Variants in STPG4 observed in about 807,000 individuals in gnomAD.
The protein encoded by STPG4 is sperm-tail PG-rich repeat containing 4, also known as protein STPG4.
A neutral mutation model predicts 31.5 loss-of-function variants in STPG4; 41 were observed. That is an observed-to-expected ratio of 1.30 (90% confidence interval 1.01 to 1.69). The LOEUF is 1.69. Ranked by LOEUF, STPG4 falls within the 40% of genes most tolerant of loss-of-function variation. The pLI is 0.00. For synonymous variants in STPG4, 141 were observed against 103.0 expected, an observed-to-expected ratio of 1.37 and a Z score of -2.24; for missense variants, 375 against 293.4, an observed-to-expected ratio of 1.28 and a Z score of -2.03.
chr2:47,140,562 T>C (rs972243686), intron 3 of STPG4, among the ~76,000 whole-genome samples: 2 of 152,234 alleles, frequency 1.3e-5, no homozygotes, highest in East Asian at 3.9e-4. Flanking sequence ...TGGTAAATTG[T>C]AATTCTCTGT....
At chr2:47,095,478 A>T (rs1227637052) in intron 5 of STPG4, among the ~76,000 whole-genome samples, 1 of 152,184 alleles carries the variant, frequency 6.6e-6, no homozygotes, top group East Asian at 1.9e-4. Flanking sequence ...CCACACTGCC[A>T]ACACCTTGGG....
At chr2:47,089,961 C>T (rs1216387516) in intron 6 of STPG4, among the ~76,000 whole-genome samples, 2 of 152,336 alleles carry the variant, frequency 1.3e-5, no homozygotes, top group Non-Finnish European at 2.9e-5. Flanking sequence ...GCAGGTACCC[C>T]CAACAAAGCA....
At chr2:47,094,028 G>A (rs148572591) in intron 5 of STPG4, among the ~76,000 whole-genome samples, 1 of 152,186 alleles carries the variant, frequency 6.6e-6, no homozygotes, top group South Asian at 2.1e-4. Flanking sequence ...TAAAACAAGA[G>A]GGACATTTGA....
At chr2:47,111,671 T>TA (rs143593525) in intron 5 of STPG4, among the ~76,000 whole-genome samples, 256 of 149,336 alleles carry the variant, frequency 1.7e-3, no homozygotes, top group African/African-American at 2.2e-3. Flanking sequence ...TCTCTGTGGG[T>TA]AAAAAAAAAA....
intron 5 of STPG4, among the ~76,000 whole-genome samples, chr2:47,092,669 G>C (rs1294656068): frequency 6.6e-6 from 1 of 151,496 alleles, no homozygotes; most frequent in Admixed American, 6.6e-5. Flanking sequence ...GGGTAGAGGA[G>C]AGAGAGCCAG....
Position 47,110,276 on chromosome 2 carries a change from C to A in STPG4, c.519+19665G>T, listed in dbSNP as rs1246203625. On this transcript the variant is annotated intron_variant, in intron 5 of 6. Coordinates refer to ENST00000445927, the MANE Select transcript of STPG4 (RefSeq NM_001163561.2). ...CATATTGATGGCTCTTTTCCTCAAA[C>A]ACTGCCTGTTTTCTGCTTTTAAAAA... Among the ~76,000 whole-genome samples the A allele has an allele frequency of 2.0e-5, 3 of 152,204 alleles. No homozygotes were observed. In the East Asian group the frequency reaches 5.8e-4, roughly 29 times the overall value.
chr2:47,113,088 A>G (rs1429860647), intron 5 of STPG4, among the ~76,000 whole-genome samples: 1 of 152,092 alleles, frequency 6.6e-6, no homozygotes, highest in Non-Finnish European at 1.5e-5. Flanking sequence ...GAAGAAATAA[A>G]TAAGGGAAAG....
At chr2:47,124,614 C>G (rs11884958) in intron 5 of STPG4, among the ~76,000 whole-genome samples, 14 of 152,170 alleles carry the variant, frequency 9.2e-5, no homozygotes, top group Non-Finnish European at 1.9e-4. Context: ...CTCATTATTT[C>G]TTATGGCTGT....
intron 6 of STPG4, among the ~76,000 whole-genome samples, chr2:47,089,408 G>C (rs931421654): frequency 2.0e-5 from 3 of 152,176 alleles, no homozygotes; most frequent in Non-Finnish European, 4.4e-5. Context: ...GGCTAAGGAG[G>C]GCTACGGGAG....
chr2:47,143,900 T>C (rs558604899), intron 3 of STPG4, among the ~76,000 whole-genome samples: 1 of 152,368 alleles, frequency 6.6e-6, no homozygotes, highest in South Asian at 2.1e-4. Flanking sequence ...CAGCACTTTC[T>C]GGAAACTCCC....
chr2:47,103,285 G>A (rs1028669812), intron 5 of STPG4, among the ~76,000 whole-genome samples: 3 of 151,918 alleles, frequency 2.0e-5, no homozygotes, highest in Non-Finnish European at 2.9e-5. Context: ...AGCTACGAGA[G>A]GCCTTAAGAA....
chr2:47,145,200 T>G (rs1161194974), intron 3 of STPG4, among the ~76,000 whole-genome samples: 1 of 152,194 alleles, frequency 6.6e-6, no homozygotes. Context: ...TTAAAGGAAC[T>G]TCAGAGCCCT....
chr2:47,125,653 C>T (rs1244065057), intron 5 of STPG4, among the ~76,000 whole-genome samples: 1 of 152,032 alleles, frequency 6.6e-6, no homozygotes, highest in Non-Finnish European at 1.5e-5. Flanking sequence ...GAAATCTTTG[C>T]CCAGACCAAT....
At chr2:47,122,857 A>C (rs1686300604) in intron 5 of STPG4, among the ~76,000 whole-genome samples, 1 of 151,834 alleles carries the variant, frequency 6.6e-6, no homozygotes. Context: ...TCTGAGTCTC[A>C]CTCTATTGCC....
intron 5 of STPG4, among the ~76,000 whole-genome samples, chr2:47,098,995 T>C (rs555293044): frequency 6.6e-6 from 1 of 152,156 alleles, no homozygotes; most frequent in Non-Finnish European, 1.5e-5. Context: ...TTATTCACAT[T>C]TGCAAAATTA....
chr2:47,109,013 C>T (rs542440864), intron 5 of STPG4, among the ~76,000 whole-genome samples: 1 of 152,330 alleles, frequency 6.6e-6, no homozygotes, highest in East Asian at 1.9e-4. Flanking sequence ...TACATTCCAC[C>T]CCACCTTTAT....
At chr2:47,125,747 C>G (rs995284220) in intron 5 of STPG4, among the ~76,000 whole-genome samples, 1 of 150,752 alleles carries the variant, frequency 6.6e-6, no homozygotes, top group Non-Finnish European at 1.5e-5. Context: ...TAACTAGAGA[C>G]AGGGTCTCCC....
At chr2:47,125,113 A>T (rs1686340626) in intron 5 of STPG4, among the ~76,000 whole-genome samples, 2 of 152,164 alleles carry the variant, frequency 1.3e-5, no homozygotes, top group African/African-American at 4.8e-5. Flanking sequence ...TTTTTTAAAC[A>T]AATTATTAGA....
chr2:47,100,993 G>T (rs956197973), intron 5 of STPG4, among the ~76,000 whole-genome samples: 1 of 151,908 alleles, frequency 6.6e-6, no homozygotes, highest in Non-Finnish European at 1.5e-5. Context: ...TGGCGACCCA[G>T]ATGGGACATT....
Sources: allele counts gnomAD v4.1 joint callset (sites outside exome capture counted in the v4.1 genomes callset), GRCh38; gene constraint gnomAD v4.1.1; transcripts MANE v1.5; gene names NCBI Gene and HGNC (gene_info 2026-07-23, HGNC 2026-07-21).